MROH2A: variants seen among roughly 807,000 people sequenced by gnomAD.
The protein encoded by MROH2A is maestro heat-like repeat-containing protein family member 2A.
In MROH2A, 174 loss-of-function variants were observed where a neutral mutation model predicts 200.4. The observed-to-expected ratio is 0.87, with a 90% CI of 0.77 to 0.98. The LOEUF (loss-of-function observed/expected upper bound fraction) is 0.98. Ranked by LOEUF, MROH2A falls within the 50% of genes least tolerant of loss-of-function variation. The probability of loss-of-function intolerance (pLI) is 0.00; values close to 1 mark genes in which losing one functional copy is unlikely to be tolerated. For synonymous variants in MROH2A, 829 were observed against 840.4 expected (o/e 0.99, Z 0.23); for missense variants, 2,045 against 2,139.6 (o/e 0.96, Z 0.87).
intron 41 of MROH2A, among the ~76,000 whole-genome samples, 177 bp from the exon 42 acceptor site, chr2:233,832,961 G>A (rs548529442): frequency 6.6e-6 from 1 of 152,360 alleles, no homozygotes; most frequent in South Asian, 2.1e-4. Flanking sequence ...AGCCCTGAGA[G>A]CTATGATGTG....
In MROH2A at chr2:233,787,335, C is replaced by G. The variant is rs983005973; in HGVS notation, c.277-2162C>G. ...TTCTCAATGGGGTGATATTGCCCCC[C>G]AGTTAAGTAAAACTAGTTCTTGGGG... On this transcript the variant is annotated intron_variant, in intron 3 of 41. Coordinates refer to ENST00000389758, the MANE Select transcript of MROH2A (RefSeq NM_001394639.1). Among the ~76,000 whole-genome samples, 11 of 150,368 alleles carry G rather than the reference C, an allele frequency of 7.3e-5. No individual in the cohort carries two copies. The East Asian group carries it at 2.1e-3, about 29-fold the overall frequency.
chr2:233,803,577 G>A, intron 16 of MROH2A, 89 bp downstream of exon 16: 1 of 1,401,394 alleles, frequency 7.1e-7, no homozygotes, highest in Admixed American at 2.1e-5. Context: ...CAGAGCCCCA[G>A]GGGTATGAGG....
chr2:233,796,342 C>T (rs901395522), intron 11 of MROH2A, 29 bp downstream of exon 11: 4 of 4,698 alleles, frequency 8.5e-4, no homozygotes, highest in African/African-American at 8.2e-3. Flanking sequence ...GTGGGGTGGG[C>T]GGGGAGGGTG....
Position 233,811,933 on chromosome 2 carries a change from G to A in MROH2A, c.2625G>A (p.Leu875=). 3 of 1,550,198 alleles carry A rather than the reference G, an allele frequency of 1.9e-6. No individual in the cohort carries two copies. The highest frequency in any genetic ancestry group is 2.6e-6 in the Non-Finnish European group (3 of 1,146,834). Residue 875 remains leucine, a synonymous_variant, in exon 24 of 42, where the codon TTG becomes TTA. Coordinates refer to ENST00000389758, the MANE Select transcript of MROH2A (RefSeq NM_001394639.1). ...TDNLVSPVRA[L]AMEALSHLSK... is the part of the protein sequence containing the mutation. ...ACCTGGTTTCTCCAGTGCGAGCCTT[G>A]GCGATGGAGGCCCTCTCGCACCTGA...
rs1317556891 is a variant in MROH2A, at chr2:233,804,186, CT to C, written c.1886del (p.Leu629ArgfsTer18). On this transcript the variant is annotated frameshift_variant, in exon 17 of 42. Transcript: ENST00000389758. LOFTEE classifies it high-confidence loss of function. ...GGAGATTGCGCTACTGGTCCGGTAC[CT>C]GGAAGGTGAGGTTCCTGGGGAGCCC... ...ELEIALLVRYLEEHTEFTWDQ... is the reference protein window; with the variant it reads ...ELEIALLVRYXEEHTEFTWDQ... The C allele has an allele frequency of 6.4e-7, 1 of 1,550,526 alleles. No individual in the cohort carries two copies. Among genetic ancestry groups the C allele is most frequent in the Admixed American group, 2.0e-5 (1 of 51,004 alleles).
chr2:233,814,518 T>A (rs1016765786), intron 25 of MROH2A, 64 bp from the exon 26 acceptor site: 21 of 1,223,112 alleles, frequency 1.7e-5, no homozygotes, highest in Non-Finnish European at 2.1e-5. Flanking sequence ...ATGAACTCCC[T>A]GCAGGGAGGG....
At chr2:233,816,225 G>C (rs1352993180) in intron 26 of MROH2A, among the ~76,000 whole-genome samples, 2 of 152,128 alleles carry the variant, frequency 1.3e-5, no homozygotes, top group African/African-American at 4.8e-5. Flanking sequence ...CAGGTTTTCT[G>C]TCTCCTTTTT....
chr2:233,789,763 A>G, intron 4 of MROH2A, 89 bp from the exon 5 acceptor site: 1 of 1,485,608 alleles, frequency 6.7e-7, no homozygotes, highest in Non-Finnish European at 9.0e-7. Flanking sequence ...CAAGGGAACC[A>G]GGAGGGGTGG....
chr2:233,800,314 C>T lies in MROH2A; in HGVS notation c.1559C>T (p.Thr520Ile). 1 of 1,539,842 alleles carries T rather than the reference C, an allele frequency of 6.5e-7. No individual in the cohort carries two copies. Among genetic ancestry groups the T allele is most frequent in the Non-Finnish European group, 8.8e-7 (1 of 1,139,518 alleles). The change falls in exon 14 of 42, where the codon ACC becomes ATC. Residue 520 changes from threonine to isoleucine, a missense_variant and splice_region_variant. Coordinates refer to ENST00000389758, the MANE Select transcript of MROH2A (RefSeq NM_001394639.1). ...ACCTCTTCTGTCAGTGGGATGACCA[C>T]CGTGAGTGGGCCCTGCCCCACCCGC... is the stretch of plus-strand genomic sequence containing the variant. Reference protein sequence around the residue: ...IITSSVSGMTTEFWVRLLCYI... With the variant: ...IITSSVSGMTIEFWVRLLCYI...
chr2:233,795,558 C>CTCAGTGGG, intron 8 of MROH2A, 95 bp from the exon 9 acceptor site: 1 of 1,533,398 alleles, frequency 6.5e-7, no homozygotes, highest in Non-Finnish European at 8.8e-7. Context: ...AATGCTGGTG[C>CTCAGTGGG]TCAGTGGGTC....
chr2:233,791,394 G>A (rs1223333221), intron 5 of MROH2A, among the ~76,000 whole-genome samples: 1 of 152,188 alleles, frequency 6.6e-6, no homozygotes, highest in Non-Finnish European at 1.5e-5. Context: ...AAGCCACTGG[G>A]AGCGTGTTGG....
Position 233,802,250 on chromosome 2 carries a change from A to G in MROH2A, c.1643A>G (p.Asn548Ser). ...ALTPICISLT[N>S]LAEHQLHGQD... is the part of the protein sequence containing the mutation. ...ACTCCTATCTGTATCAGCCTCACAA[A>G]CCTGGCAGAACACCAGCTCCATGGC... Residue 548 changes from asparagine (N) to serine (S), a missense_variant, in exon 15 of 42, where the codon AAC becomes AGC. This residue lies in a region of MROH2A where 831 missense variants were observed against 800.0 expected (regional missense o/e 1.04). Coordinates refer to ENST00000389758, the MANE Select transcript of MROH2A (RefSeq NM_001394639.1). 1 of 1,550,540 alleles carries G rather than the reference A, an allele frequency of 6.4e-7. No homozygotes were observed. Among genetic ancestry groups the G allele is most frequent in the Non-Finnish European group, 8.7e-7 (1 of 1,146,912 alleles).
chr2:233,792,045 C>G (rs1701799899), intron 5 of MROH2A, among the ~76,000 whole-genome samples: 1 of 152,178 alleles, frequency 6.6e-6, no homozygotes, highest in South Asian at 2.1e-4. Flanking sequence ...TGCCTTCTCT[C>G]AGTTCCTTGC....
At chr2:233,813,435 G>A (rs1015562931) in intron 24 of MROH2A, among the ~76,000 whole-genome samples, 2 of 152,194 alleles carry the variant, frequency 1.3e-5, no homozygotes, top group Non-Finnish European at 2.9e-5. Flanking sequence ...ACAGCAGATA[G>A]GAGAGATGGC....
chr2:233,811,328 C>T (rs1295022213), intron 23 of MROH2A, among the ~76,000 whole-genome samples: 2 of 152,170 alleles, frequency 1.3e-5, no homozygotes, highest in African/African-American at 4.8e-5. Context: ...ACAAAGAAAA[C>T]GTCCACTGTC....
In MROH2A at chr2:233,833,146, G is replaced by T. The variant is rs1704900676; in HGVS notation, c.4912G>T (p.Glu1638Ter). The T allele has an allele frequency of 6.5e-6, 10 of 1,546,902 alleles. No individual in the cohort carries two copies. The highest frequency in any genetic ancestry group is 1.7e-4 in the Middle Eastern group (1 of 5,962). The change falls in exon 42 of 42, where the codon GAA becomes TAA. Residue 1638 changes from glutamate to a stop codon, truncating the protein, a stop_gained. Transcript: ENST00000389758. LOFTEE classifies it high-confidence loss of function. ...DFPALRNSLQELQLDPDPGVR... is the reference protein window; with the variant it reads ...DFPALRNSLQ ...TTTGTGTTCTCTCTCAGCCCTCCAG[G>T]AACTACAGCTGGACCCGGATCCCGG... is the stretch of plus-strand genomic sequence containing the variant.
intron 41 of MROH2A, 125 bp from the exon 42 acceptor site, chr2:233,833,013 A>C: frequency 8.5e-7 from 1 of 1,172,350 alleles, no homozygotes; most frequent in Non-Finnish European, 1.2e-6. Flanking sequence ...TTTCCCACAC[A>C]GGAGTTTCCC....
intron 26 of MROH2A, among the ~76,000 whole-genome samples, chr2:233,815,281 C>T (rs749700819): frequency 1.3e-5 from 2 of 152,150 alleles, no homozygotes; most frequent in Non-Finnish European, 2.9e-5. Flanking sequence ...TTTTATAGAA[C>T]CTTTTACAGG....
At chr2:233,802,847 G>A (rs572749593) in intron 15 of MROH2A, among the ~76,000 whole-genome samples, 1 of 152,342 alleles carries the variant, frequency 6.6e-6, no homozygotes, top group African/African-American at 2.4e-5. Context: ...GGGTCCTTTA[G>A]GATCCAGGGC....
Sources: gnomAD v4.1 joint callset for allele counts (sites outside exome capture counted in the v4.1 genomes callset) on GRCh38, gnomAD v4.1.1 for gene constraint, gnomAD v4.1.1 regional missense constraint, MANE v1.5 for transcripts, NCBI Gene and HGNC (gene_info 2026-07-23, HGNC 2026-07-21) for gene names.